Variants in CFAP61 observed in about 807,000 individuals in gnomAD.
CFAP61 encodes cilia and flagella associated protein 61.
Under a neutral mutation model 135.6 loss-of-function variants are expected in CFAP61, and 107 were observed. That is an observed-to-expected ratio of 0.79 (90% CI 0.67 to 0.93). CFAP61 has a LOEUF of 0.93. CFAP61 is among the 40% of genes least tolerant of loss of function. The probability of loss-of-function intolerance (pLI) is 0.00; values close to 1 mark genes in which losing one functional copy is unlikely to be tolerated. For missense variants in CFAP61, 1,507 were observed against 1,556.2 expected (o/e 0.97, Z 0.53); for synonymous variants, 575 against 578.5 (o/e 0.99, Z 0.09).
At chr20:20,243,337 C>T (rs1245832691) in intron 18 of CFAP61, among the ~76,000 whole-genome samples, 1 of 152,126 alleles carries the variant, frequency 6.6e-6, no homozygotes, top group African/African-American at 2.4e-5. Flanking sequence ...TGGGTGGAGA[C>T]ACAGAGCCAA....
At chr20:20,199,692 G>T in intron 16 of CFAP61, 76 bp from the exon 17 acceptor site, 2 of 1,494,446 alleles carry the variant, frequency 1.3e-6, no homozygotes, top group Admixed American at 2.0e-5. Flanking sequence ...TTTTGTATTT[G>T]TAAAGCTGTA....
intron 18 of CFAP61, among the ~76,000 whole-genome samples, chr20:20,237,281 G>C (rs2049667305): frequency 6.6e-6 from 1 of 152,106 alleles, no homozygotes; most frequent in Admixed American, 6.5e-5. Context: ...TCGGGTCCAG[G>C]GTTGAGTCAC....
At chr20:20,219,244 A>G (rs2048240005) in intron 17 of CFAP61, among the ~76,000 whole-genome samples, 4 of 152,204 alleles carry the variant, frequency 2.6e-5, no homozygotes. Flanking sequence ...CCAGTTCATG[A>G]ATTGCTAATA....
intron 9 of CFAP61, among the ~76,000 whole-genome samples, chr20:20,145,208 C>T (rs985955028): frequency 4.6e-5 from 7 of 152,046 alleles, no homozygotes; most frequent in Non-Finnish European, 1.0e-4. Flanking sequence ...GGGTTTATAA[C>T]ATATGTAAAA....
At chr20:20,154,107 A>T (rs1194178995) in intron 9 of CFAP61, among the ~76,000 whole-genome samples, 1 of 152,140 alleles carries the variant, frequency 6.6e-6, no homozygotes, top group Non-Finnish European at 1.5e-5. Flanking sequence ...AACAAAAATC[A>T]TATTATCATC....
At chr20:20,061,700 C>T (rs574564859) in intron 2 of CFAP61, among the ~76,000 whole-genome samples, 52 of 152,230 alleles carry the variant, frequency 3.4e-4, no homozygotes, top group Non-Finnish European at 6.9e-4. Flanking sequence ...ACTGGAGACT[C>T]TCCCGCCTCC....
chr20:20,348,860 A>G (rs1201338840), intron 26 of CFAP61, among the ~76,000 whole-genome samples: 2 of 151,176 alleles, frequency 1.3e-5, no homozygotes, highest in Non-Finnish European at 2.9e-5. Context: ...AAGGATGTTT[A>G]TGAAAAACCC....
intron 15 of CFAP61, among the ~76,000 whole-genome samples, chr20:20,194,295 T>C (rs940074505): frequency 2.6e-5 from 4 of 152,240 alleles, no homozygotes; most frequent in Non-Finnish European, 5.9e-5. Flanking sequence ...AAATCTCTAA[T>C]TCTTCAGTTG....
intron 7 of CFAP61, among the ~76,000 whole-genome samples, chr20:20,091,178 T>C (rs1440463236): frequency 1.3e-5 from 2 of 152,092 alleles, no homozygotes. Flanking sequence ...GCGAGGTCCT[T>C]CCAGATGCCC....
intron 10 of CFAP61, among the ~76,000 whole-genome samples, chr20:20,162,154 C>T (rs1429384727): frequency 6.6e-6 from 1 of 152,164 alleles, no homozygotes; most frequent in Non-Finnish European, 1.5e-5. Context: ...TCAGAGCTGG[C>T]AGCGCAGCAT....
intron 18 of CFAP61, 80 bp from the exon 19 acceptor site, chr20:20,246,037 T>C (rs1425834618): frequency 4.6e-6 from 4 of 866,000 alleles, no homozygotes; most frequent in East Asian, 2.5e-5. Context: ...ACACGTGATA[T>C]AAAGTTAAAT....
At chr20:20,232,259 G>C (rs2146953712) in intron 18 of CFAP61, among the ~76,000 whole-genome samples, 1 of 152,188 alleles carries the variant, frequency 6.6e-6, no homozygotes, top group East Asian at 1.9e-4. Context: ...TCACTATAAA[G>C]TGAACTCCCA....
chr20:20,102,592 C>A (rs1175866482), intron 8 of CFAP61, among the ~76,000 whole-genome samples: 1 of 152,092 alleles, frequency 6.6e-6, no homozygotes, highest in Non-Finnish European at 1.5e-5. Context: ...AGGTATTAAG[C>A]CTAGTACCCA....
chr20:20,142,969 A>C, intron 9 of CFAP61, 21 bp downstream of exon 9: 14 of 1,458,540 alleles, frequency 9.6e-6, no homozygotes, highest in Non-Finnish European at 1.3e-5. Flanking sequence ...CTATCCCTCC[A>C]TGCCTAGGGT....
rs761038056 is a variant in CFAP61 at position 20,159,391 on chromosome 20, G to A, written c.973G>A (p.Ala325Thr). 1 of 1,613,746 alleles carries A rather than the reference G, an allele frequency of 6.2e-7. No individual in the cohort carries two copies. The highest frequency in any genetic ancestry group is 8.5e-7 in the Non-Finnish European group (1 of 1,179,774). ...NIQGNIAREAASEEALTAVQS... is the reference protein window; with the variant it reads ...NIQGNIAREATSEEALTAVQS... Reference sequence around the variant, plus strand: ...CCAGGGAAATATTGCCAGAGAAGCTGCATCCGAGGAAGCTTTAACAGCAGT... The same window carrying A: ...CCAGGGAAATATTGCCAGAGAAGCTACATCCGAGGAAGCTTTAACAGCAGT... The change falls in exon 10 of 27, where the codon GCA (alanine) becomes ACA (threonine). Residue 325 changes from alanine to threonine, a missense_variant. Transcript: ENST00000245957.
intron 7 of CFAP61, among the ~76,000 whole-genome samples, chr20:20,092,435 G>C (rs547068053): frequency 2.0e-5 from 3 of 152,286 alleles, no homozygotes; most frequent in Non-Finnish European, 1.5e-5. Flanking sequence ...AACTGTAAGA[G>C]CTGTTTAAAG....
At chr20:20,128,186 G>A (rs915538193) in intron 8 of CFAP61, among the ~76,000 whole-genome samples, 3 of 151,702 alleles carry the variant, frequency 2.0e-5, no homozygotes, top group South Asian at 2.1e-4. Flanking sequence ...CCCTCTGCCC[G>A]AGTTCTGGCC....
chr20:20,335,414 T>G (rs541762083), intron 25 of CFAP61, among the ~76,000 whole-genome samples: 3 of 152,310 alleles, frequency 2.0e-5, no homozygotes, highest in African/African-American at 7.2e-5. Flanking sequence ...GTACATCATA[T>G]CTAAAATAAA....
intron 25 of CFAP61, among the ~76,000 whole-genome samples, chr20:20,335,428 C>T (rs2058150598): frequency 6.6e-6 from 1 of 152,186 alleles, no homozygotes. Flanking sequence ...AAATAAATGA[C>T]AGTGGTTCCC....
Sources: gnomAD v4.1 joint callset for allele counts (sites outside exome capture counted in the v4.1 genomes callset) on GRCh38, gnomAD v4.1.1 for gene constraint, MANE v1.5 for transcripts, NCBI Gene and HGNC (gene_info 2026-07-23, HGNC 2026-07-21) for gene names.